Variants in PLCG2 observed in about 807,000 individuals in gnomAD.
PLCG2 encodes the protein 1-phosphatidylinositol 4,5-bisphosphate phosphodiesterase gamma-2.
A neutral mutation model predicts 175.6 loss-of-function variants in PLCG2; 69 were observed. The observed-to-expected ratio is 0.39, with a 90% CI of 0.32 to 0.48. The LOEUF is 0.48. PLCG2 is among the 20% of genes least tolerant of loss of function. PLCG2 has a pLI of 0.91. For synonymous variants in PLCG2, 827 were observed against 624.0 expected (o/e 1.33, Z -4.85); for missense variants, 1,798 against 1,650.9 (o/e 1.09, Z -1.54).
In PLCG2 at chr16:81,891,556, CT is replaced by C; in HGVS notation, c.953del (p.Leu318ArgfsTer84). On this transcript the variant is annotated frameshift_variant, in exon 11 of 33. Transcript: ENST00000564138. LOFTEE classifies it high-confidence loss of function. ...GGACATGCAGGACATGAACAACCCC[CT>C]GTCTCATTACTGGATCTCCTCGTCA... ...AVDMQDMNNP[L>X]SHYWISSSHN... 6.2e-7 allele frequency: 1 copy of C among 1,607,340 alleles called. No individual in the cohort carries two copies. Among genetic ancestry groups the C allele is most frequent in the Non-Finnish European group, 8.5e-7 (1 of 1,173,962 alleles).
At chr16:81,815,334 G>A (rs1057201120) in intron 2 of PLCG2, among the ~76,000 whole-genome samples, 2 of 152,170 alleles carry the variant, frequency 1.3e-5, no homozygotes, top group Non-Finnish European at 2.9e-5. Context: ...CAGGTTGGCA[G>A]CCACACAACA....
At position 81,883,264 on chromosome 16, in the gene PLCG2, G is replaced by T; in HGVS notation, c.693-5G>T. 6.2e-7 allele frequency: 1 copy of T among 1,614,010 alleles called. No homozygotes were observed. Among genetic ancestry groups the T allele is most frequent in the Non-Finnish European group, 8.5e-7 (1 of 1,179,852 alleles). On this transcript the variant is annotated splice_region_variant and splice_polypyrimidine_tract_variant and intron_variant, in intron 8 of 32. Coordinates refer to ENST00000564138, the MANE Select transcript of PLCG2 (RefSeq NM_002661.5). ...TCTAACTGCACCCCCTTTCCCCGAGGATAGGAACACTGACAGGCCGGATGC... is the reference window on the plus strand; with the variant it reads ...TCTAACTGCACCCCCTTTCCCCGAGTATAGGAACACTGACAGGCCGGATGC...
chr16:81,833,008 G>A (rs773356343), intron 2 of PLCG2, among the ~76,000 whole-genome samples: 8 of 152,194 alleles, frequency 5.3e-5, no homozygotes, highest in Non-Finnish European at 1.0e-4. Context: ...CTTGTGAGAT[G>A]TGATGAGGAC....
chr16:81,824,210 C>G (rs540797512), intron 2 of PLCG2, among the ~76,000 whole-genome samples: 4 of 151,232 alleles, frequency 2.6e-5, no homozygotes, highest in Non-Finnish European at 4.4e-5. Flanking sequence ...CTCAGCTCAC[C>G]GCAACCTCCA....
intron 24 of PLCG2, among the ~76,000 whole-genome samples, chr16:81,930,154 T>C (rs1910440803): frequency 6.6e-6 from 1 of 152,040 alleles, no homozygotes; most frequent in African/African-American, 2.4e-5. Flanking sequence ...CTGGATAATG[T>C]AGCAAGAGCT....
chr16:81,796,532 A>G (rs948759027), intron 2 of PLCG2, among the ~76,000 whole-genome samples: 1 of 152,180 alleles, frequency 6.6e-6, no homozygotes, highest in Non-Finnish European at 1.5e-5. Flanking sequence ...TTACGGATTG[A>G]ATTGTCCTTA....
At chr16:81,957,771 G>C (rs1597157840) in intron 32 of PLCG2, among the ~76,000 whole-genome samples, 185 bp from the exon 33 acceptor site, 1 of 152,114 alleles carries the variant, frequency 6.6e-6, no homozygotes, top group East Asian at 1.9e-4. Flanking sequence ...TACCATTGAG[G>C]AGATTTAACC....
intron 5 of PLCG2, among the ~76,000 whole-genome samples, chr16:81,865,448 A>C (rs12448118): frequency 0.37 from 55,549 of 152,054 alleles, 11,452 homozygotes; most frequent in East Asian, 0.7. Flanking sequence ...AGAAGCTCTC[A>C]GCCTCCAGTG....
At chr16:81,771,057 CA>C (rs762815312) in intron 2 of PLCG2, among the ~76,000 whole-genome samples, 15 of 94,590 alleles carry the variant, frequency 1.6e-4, no homozygotes, top group Middle Eastern at 5.8e-3. Flanking sequence ...GACTCCATCT[CA>C]AAAAAAAAAA....
exon 1 of PLCG2, chr16:81,739,099 C>T (rs1432195113): frequency 1.3e-5 from 2 of 151,976 alleles, no homozygotes; most frequent in East Asian, 1.9e-4. Context: ...GGGCCTTCTC[C>T]CTCCAGGGGC....
At chr16:81,902,318 G>T (rs935860731) in intron 14 of PLCG2, among the ~76,000 whole-genome samples, 1 of 152,132 alleles carries the variant, frequency 6.6e-6, no homozygotes, top group Non-Finnish European at 1.5e-5. Context: ...CCTAAGCTGG[G>T]TGGGTTATAA....
At chr16:81,897,614 C>T (rs377376322) in intron 13 of PLCG2, among the ~76,000 whole-genome samples, 1 of 144,592 alleles carries the variant, frequency 6.9e-6, no homozygotes, top group Non-Finnish European at 1.5e-5. Context: ...GGCAGGATCT[C>T]GGCTCACTGC....
At chr16:81,812,898 G>C (rs1904379482) in intron 2 of PLCG2, among the ~76,000 whole-genome samples, 1 of 152,184 alleles carries the variant, frequency 6.6e-6, no homozygotes, top group Non-Finnish European at 1.5e-5. Flanking sequence ...CATATGGCTA[G>C]CTGGTTTTCC....
chr16:81,928,789 G>A (rs1276472816), intron 24 of PLCG2, 165 bp downstream of exon 24: 14 of 600,696 alleles, frequency 2.3e-5, no homozygotes, highest in Non-Finnish European at 4.0e-5. Flanking sequence ...CAGTGAGTAT[G>A]ATGCTATGTC....
rs1909952026 is a variant in PLCG2, at chr16:81,918,941, C to T, written c.2055-543C>T. Among the ~76,000 whole-genome samples, 3 of 151,936 alleles carry T rather than the reference C, an allele frequency of 2.0e-5. 1 individual carries two copies. Among genetic ancestry groups the T allele is most frequent in the South Asian group, 2.1e-4 (1 of 4,802 alleles). Reference sequence around the variant, plus strand: ...AGTCACTGTTTTGCTAGTTGAGTCACCGAAGACAAGATTTAATAATTTTGA... The same window carrying T: ...AGTCACTGTTTTGCTAGTTGAGTCATCGAAGACAAGATTTAATAATTTTGA... On this transcript the variant is annotated intron_variant, in intron 19 of 32. Coordinates refer to ENST00000564138, the MANE Select transcript of PLCG2 (RefSeq NM_002661.5).
rs775430573 is a variant in PLCG2 at position 81,858,286 on chromosome 16, A to C, written c.361A>C (p.Asn121His). The change falls in exon 4 of 33, where the codon AAC (asparagine) becomes CAC (histidine). Residue 121 changes from asparagine to histidine, a missense_variant. By Grantham distance (68) the Asn-to-His change is moderately conservative. Coordinates refer to ENST00000564138, the MANE Select transcript of PLCG2 (RefSeq NM_002661.5). ...AGCTGACTCTAAAGAGGATGCAGTT[A>C]ACTGGCTCTCTGGCTTGAAAATCTT... is the stretch of plus-strand genomic sequence containing the variant. ...LAADSKEDAVNWLSGLKILHQ... is the reference protein window; with the variant it reads ...LAADSKEDAVHWLSGLKILHQ... The C allele has an allele frequency of 2.5e-6, 4 of 1,613,558 alleles. No homozygotes were observed. The Admixed American group carries it at 6.7e-5, about 27-fold the overall frequency.
At chr16:81,938,301 A>G (rs1452612629) in intron 28 of PLCG2, among the ~76,000 whole-genome samples, 1 of 152,116 alleles carries the variant, frequency 6.6e-6, no homozygotes, top group African/African-American at 2.4e-5. Context: ...TGACTTTCAG[A>G]GAAAGTGTTG....
intron 25 of PLCG2, among the ~76,000 whole-genome samples, chr16:81,933,102 G>C (rs117542781): frequency 1.3e-5 from 2 of 152,236 alleles, no homozygotes; most frequent in South Asian, 2.1e-4. Flanking sequence ...CCGCGTGAAG[G>C]TTCCTGAAAT....
intron 1 of PLCG2, among the ~76,000 whole-genome samples, chr16:81,747,966 C>G (rs919294880): frequency 6.6e-6 from 1 of 152,080 alleles, no homozygotes; most frequent in Non-Finnish European, 1.5e-5. Flanking sequence ...CCTCTGCGTC[C>G]CAGGTTCAAG....
Sources: allele counts gnomAD v4.1 joint callset (sites outside exome capture counted in the v4.1 genomes callset), GRCh38; gene constraint gnomAD v4.1.1; transcripts MANE v1.5; gene names NCBI Gene and HGNC (gene_info 2026-07-23, HGNC 2026-07-21).